The following LIMCH1 variants were observed in gnomAD, a reference collection of about 807,000 sequenced individuals.
The protein encoded by LIMCH1 is LIM and calponin homology domains 1.
A neutral mutation model predicts 176.5 loss-of-function variants in LIMCH1; 113 were observed. That is an observed-to-expected ratio of 0.64 (90% CI 0.55 to 0.75). The LOEUF is 0.75. LIMCH1 is among the 30% of genes least tolerant of loss of function. The probability of loss-of-function intolerance (pLI) is 0.00; values close to 1 mark genes in which losing one functional copy is unlikely to be tolerated. For synonymous variants in LIMCH1, 619 were observed against 645.9 expected (o/e 0.96, Z 0.63); for missense variants, 1,674 against 1,814.9 (o/e 0.92, Z 1.41).
intron 2 of LIMCH1, among the ~76,000 whole-genome samples, chr4:41,603,017 A>G (rs2090193313): frequency 6.6e-6 from 1 of 152,130 alleles, no homozygotes; most frequent in Non-Finnish European, 1.5e-5. Flanking sequence ...TGGACTTAAA[A>G]TGGTTCACTT....
intron 27 of LIMCH1, among the ~76,000 whole-genome samples, chr4:41,685,508 G>T (rs1366694774): frequency 6.6e-6 from 1 of 152,176 alleles, no homozygotes; most frequent in African/African-American, 2.4e-5. Context: ...AGGGGAAAGG[G>T]CATGGTTCCT....
chr4:41,633,025 C>T lies in LIMCH1; in HGVS notation c.1769C>T (p.Ala590Val), dbSNP rs1562005885. The stretch of plus-strand genomic sequence containing the variant: ...GATGGCAAAGAAGAAACAGAAAGCG[C>T]TCCAAGAGATTCTGAGAGGCTGTCA... ...PQDGKEETES[A>V]PRDSERLSKA... is the part of the protein sequence containing the mutation. The change falls in exon 12 of 32, where the codon GCT becomes GTT. Residue 590 changes from alanine (A) to valine (V), a missense_variant. Physicochemically the swap from Ala to Val is moderately conservative, Grantham distance 64. This residue lies in a region of LIMCH1 where 1,015 missense variants were observed against 1,102.5 expected (regional missense o/e 0.92). Coordinates refer to ENST00000503057, the MANE Select transcript of LIMCH1 (RefSeq NM_001330672.2). 3.3e-6 allele frequency: 5 copies of T among 1,536,098 alleles called. No homozygotes were observed. Among genetic ancestry groups the T allele is most frequent in the Non-Finnish European group, 4.4e-6 (5 of 1,146,910 alleles).
intron 1 of LIMCH1, among the ~76,000 whole-genome samples, chr4:41,543,084 G>A (rs887820207): frequency 2.6e-5 from 4 of 152,188 alleles, no homozygotes; most frequent in African/African-American, 4.8e-5. Flanking sequence ...CATGCGGTTT[G>A]TGGGGAAGAA....
intron 1 of LIMCH1, among the ~76,000 whole-genome samples, chr4:41,439,255 C>T (rs770947412): frequency 2.1e-4 from 32 of 152,178 alleles, no homozygotes; most frequent in Non-Finnish European, 2.1e-4. Context: ...ATTTCTAATA[C>T]CTACAACAAG....
At chr4:41,568,393 C>T (rs759227957) in intron 1 of LIMCH1, among the ~76,000 whole-genome samples, 6 of 152,172 alleles carry the variant, frequency 3.9e-5, no homozygotes, top group Non-Finnish European at 5.9e-5. Context: ...CCTGATGCAC[C>T]GGAGTTACAA....
intron 1 of LIMCH1, among the ~76,000 whole-genome samples, chr4:41,407,027 G>A (rs1190843203): frequency 6.6e-6 from 1 of 152,112 alleles, no homozygotes; most frequent in Non-Finnish European, 1.5e-5. Flanking sequence ...GTCTTCCAAG[G>A]ATCTAATATG....
intron 5 of LIMCH1, among the ~76,000 whole-genome samples, chr4:41,616,227 C>T (rs760480093): frequency 2.0e-5 from 3 of 151,746 alleles, no homozygotes; most frequent in African/African-American, 7.3e-5. Flanking sequence ...GATTAAAAAG[C>T]GAAGGGTTGG....
chr4:41,411,375 T>A (rs1274786764), intron 1 of LIMCH1, among the ~76,000 whole-genome samples: 1 of 152,222 alleles, frequency 6.6e-6, no homozygotes, highest in Non-Finnish European at 1.5e-5. Context: ...TTTTTGTTTT[T>A]TTTGTTTGTG....
intron 30 of LIMCH1, among the ~76,000 whole-genome samples, chr4:41,691,676 T>A (rs932785675): frequency 1.3e-5 from 2 of 151,860 alleles, no homozygotes; most frequent in African/African-American, 4.8e-5. Context: ...GGCAGGAGAA[T>A]TGCTTGAGCC....
Position 41,613,655 on chromosome 4 carries a change from A to C in LIMCH1, c.199A>C (p.Ser67Arg), listed in dbSNP as rs749003412. 11 of 1,613,754 alleles carry C rather than the reference A, an allele frequency of 6.8e-6. No individual in the cohort carries two copies. The highest frequency in any genetic ancestry group is 1.3e-5 in the African/African-American group (1 of 74,928). The part of the protein sequence containing the change: ...PSPDVVLRGS[S>R]DGRGSDSESD... ...ACCAGATGTAGTCCTCAGGGGAAGC[A>C]GCGATGGTAGGTTGGAGTCTTAATA... The change falls in exon 5 of 32, where the codon AGC becomes CGC. Residue 67 changes from serine to arginine, a missense_variant. Around this residue, in one of 3 missense-constraint regions of LIMCH1, gnomAD observed 655 missense variants for 692.2 expected, o/e 0.95. Coordinates refer to ENST00000503057, the MANE Select transcript of LIMCH1 (RefSeq NM_001330672.2).
chr4:41,608,902 G>A (rs1013375726), intron 4 of LIMCH1, among the ~76,000 whole-genome samples: 2 of 152,022 alleles, frequency 1.3e-5, no homozygotes, highest in African/African-American at 4.8e-5. Flanking sequence ...CTTCCTATAG[G>A]CAAACATTCC....
At chr4:41,499,792 T>C (rs2072913338) in intron 2 of LIMCH1, among the ~76,000 whole-genome samples, 1 of 152,076 alleles carries the variant, frequency 6.6e-6, no homozygotes, top group Admixed American at 6.5e-5. Context: ...CACTCTAGCC[T>C]GGCAACAGAA....
intron 1 of LIMCH1, among the ~76,000 whole-genome samples, chr4:41,482,558 A>G (rs1206100061): frequency 6.6e-6 from 1 of 152,176 alleles, no homozygotes; most frequent in East Asian, 1.9e-4. Flanking sequence ...CAATCAAATG[A>G]GAAAAATGTC....
At chr4:41,508,956 G>T (rs2074501701) in intron 2 of LIMCH1, among the ~76,000 whole-genome samples, 1 of 152,166 alleles carries the variant, frequency 6.6e-6, no homozygotes, top group Non-Finnish European at 1.5e-5. Context: ...AACAGCTATT[G>T]TTAGAGACCT....
At chr4:41,434,074 G>GGT (rs35683901) in intron 1 of LIMCH1, among the ~76,000 whole-genome samples, 19,382 of 152,196 alleles carry the variant, frequency 0.13, 1,469 homozygotes, top group Admixed American at 0.21. Flanking sequence ...AAAATGGTGA[G>GGT]GTCAGGTGGA....
chr4:41,581,805 C>CAAAAAAAAAAAAAAAAAAAAAAAAAA (rs56150312), intron 1 of LIMCH1, among the ~76,000 whole-genome samples: 10 of 76,186 alleles, frequency 1.3e-4, no homozygotes, highest in Non-Finnish European at 1.8e-4. Context: ...GACTCTGTCT[C>CAAAAAAAAAAAAAAAAAAAAAAAAAA]AAAAAAAAAA....
chr4:41,554,758 G>A (rs935137524), intron 1 of LIMCH1, among the ~76,000 whole-genome samples: 14 of 152,152 alleles, frequency 9.2e-5, no homozygotes, highest in Non-Finnish European at 1.8e-4. Context: ...TCCTTGAACC[G>A]TGTCAATTGG....
intron 1 of LIMCH1, among the ~76,000 whole-genome samples, chr4:41,491,234 T>A (rs1440509824): frequency 2.8e-5 from 3 of 108,334 alleles, no homozygotes; most frequent in African/African-American, 1.1e-4. Context: ...ACTTCCCAGA[T>A]GGGGCGGCCG....
chr4:41,475,898 T>C (rs2154163563), intron 1 of LIMCH1, among the ~76,000 whole-genome samples: 1 of 152,292 alleles, frequency 6.6e-6, no homozygotes, highest in South Asian at 2.1e-4. Context: ...AAAAAGACAT[T>C]AAAAAGATTT....
Sources: allele counts gnomAD v4.1 joint callset (sites outside exome capture counted in the v4.1 genomes callset), GRCh38; gene constraint gnomAD v4.1.1; regional missense constraint gnomAD v4.1.1; transcripts MANE v1.5; gene names NCBI Gene and HGNC (gene_info 2026-07-23, HGNC 2026-07-21).